The following FBXO42 variants were observed in gnomAD, a reference collection of about 807,000 sequenced individuals.
FBXO42 encodes the protein F-box only protein 42.
In FBXO42, 12 loss-of-function variants were observed where a neutral mutation model predicts 71.7. The observed-to-expected ratio is 0.17, with a 90% CI of 0.11 to 0.27. The LOEUF is 0.27. Among genes scored for constraint, FBXO42 ranks in the 10% least tolerant of loss-of-function variants. FBXO42 has a pLI of 1.00. For synonymous variants in FBXO42, 325 were observed against 327.5 expected (o/e 0.99, Z 0.08); for missense variants, 707 against 911.9 (o/e 0.78, Z 2.89).
At chr1:16,290,223 T>A (rs1455094476) in intron 4 of FBXO42, among the ~76,000 whole-genome samples, 4 of 152,214 alleles carry the variant, frequency 2.6e-5, no homozygotes, top group African/African-American at 9.6e-5. Context: ...AGACAAGATT[T>A]CACTGGGAAA....
chr1:16,343,901 C>G (rs530357034), intron 1 of FBXO42, among the ~76,000 whole-genome samples: 6 of 151,112 alleles, frequency 4.0e-5, no homozygotes, highest in African/African-American at 1.5e-4. Context: ...ATCGCTTGAG[C>G]CAGGAGATTG....
chr1:16,327,755 T>A (rs1248398784), intron 1 of FBXO42, among the ~76,000 whole-genome samples: 7 of 152,198 alleles, frequency 4.6e-5, no homozygotes, highest in Non-Finnish European at 7.3e-5. Context: ...CAGGCTGGAG[T>A]GCAATGGTGC....
intron 6 of FBXO42, among the ~76,000 whole-genome samples, chr1:16,255,505 T>C (rs1216985864): frequency 1.3e-5 from 2 of 152,166 alleles, no homozygotes; most frequent in African/African-American, 4.8e-5. Context: ...CGGCTAATTT[T>C]TGTATTTTTA....
At chr1:16,292,700 A>C (rs2082092167) in intron 4 of FBXO42, 1 of 152,222 alleles carries the variant, frequency 6.6e-6, no homozygotes, top group Non-Finnish European at 1.5e-5. Flanking sequence ...AGGTCCCCAA[A>C]CCAGAGCTCC....
intron 3 of FBXO42, among the ~76,000 whole-genome samples, chr1:16,297,464 C>G (rs2082142643): frequency 2.0e-5 from 3 of 152,098 alleles, no homozygotes; most frequent in Admixed American, 1.3e-4. Flanking sequence ...TTTAAAATTA[C>G]CAAAGAAATT....
intron 4 of FBXO42, among the ~76,000 whole-genome samples, chr1:16,272,323 G>A (rs945769193): frequency 2.7e-5 from 4 of 150,792 alleles, no homozygotes; most frequent in African/African-American, 7.3e-5. Flanking sequence ...GCAATGGCAC[G>A]ATCTTGGCTC....
chr1:16,276,150 G>A (rs1463607504), intron 4 of FBXO42, among the ~76,000 whole-genome samples: 15 of 152,030 alleles, frequency 9.9e-5, no homozygotes, highest in Admixed American at 9.8e-4. Flanking sequence ...GGGAGGCCGA[G>A]GTGGGTGGAT....
chr1:16,305,249 G>A (rs1294517195), intron 3 of FBXO42, among the ~76,000 whole-genome samples: 6 of 151,980 alleles, frequency 3.9e-5, no homozygotes, highest in African/African-American at 7.2e-5. Flanking sequence ...TTAGCCAGGC[G>A]TGGTGGCATG....
At chr1:16,293,370 C>T (rs1569871616) in intron 4 of FBXO42, 1 of 152,318 alleles carries the variant, frequency 6.6e-6, no homozygotes. Flanking sequence ...ATCCGCCCGC[C>T]TTGGCCTCCC....
chr1:16,250,724 A>G lies in FBXO42; in HGVS notation c.2100T>C (p.Asn700=), dbSNP rs199507808. ...IFGGLMDKKQ[N]VKYYPKTNAL... ...CGTTTGTTTTTGGATAGTACTTCAC[A>G]TTCTGTTTCTTGTCCATGAGTCCTC... Residue 700 remains asparagine, a synonymous_variant, in exon 10 of 10, where the codon AAT becomes AAC. Transcript: ENST00000375592. The surrounding 1 kb of genome is among the most constrained non-coding windows in gnomAD (Gnocchi z 4.7). 1.4e-4 allele frequency: 218 copies of G among 1,614,026 alleles called. No homozygotes were observed. Among genetic ancestry groups the G allele is most frequent in the Non-Finnish European group, 1.8e-4 (212 of 1,180,032 alleles).
intron 4 of FBXO42, among the ~76,000 whole-genome samples, chr1:16,271,292 TGTGTGTG>T (rs1212712344): frequency 4.7e-5 from 7 of 150,032 alleles, no homozygotes; most frequent in Non-Finnish European, 8.9e-5. Context: ...TGTGTGTGTG[TGTGTGTG>T]TGTTGGCATC....
intron 1 of FBXO42, among the ~76,000 whole-genome samples, chr1:16,326,044 GTGTGTC>G (rs1157513385): frequency 1.7e-3 from 252 of 150,188 alleles, no homozygotes; most frequent in South Asian, 3.4e-3. Flanking sequence ...GTGTGTGTGT[GTGTGTC>G]TGTGTGTGTC....
chr1:16,250,597 C>A lies in FBXO42; in HGVS notation c.*73G>T. On this transcript the variant is annotated 3_prime_UTR_variant, in exon 10 of 10. Transcript: ENST00000375592. This position sits in a 1 kb window ranked among gnomAD's most constrained non-coding sequence, Gnocchi z 4.7. ...TGGGAGTAATTTTGTTTTCCCAATTCTCAGTCCAAATGCTTACACACTGGA... is the reference window on the plus strand; with the variant it reads ...TGGGAGTAATTTTGTTTTCCCAATTATCAGTCCAAATGCTTACACACTGGA... 6.7e-7 allele frequency: 1 copy of A among 1,502,922 alleles called. No individual in the cohort carries two copies. Among genetic ancestry groups the A allele is most frequent in the Non-Finnish European group, 8.9e-7 (1 of 1,123,904 alleles). 93.1% of individuals were successfully genotyped at this position (1,502,922 alleles called of 1,614,324 possible).
At chr1:16,268,790 C>A (rs1042182447) in intron 4 of FBXO42, among the ~76,000 whole-genome samples, 1 of 151,958 alleles carries the variant, frequency 6.6e-6, no homozygotes, top group African/African-American at 2.4e-5. Flanking sequence ...ATGGAGAAAC[C>A]CCGTCTCTAC....
chr1:16,250,353 C>G lies in FBXO42; in HGVS notation c.*317G>C, dbSNP rs941095067. The G allele has an allele frequency of 6.5e-6, 1 of 152,866 alleles. No homozygotes were observed. Among genetic ancestry groups the G allele is most frequent in the Non-Finnish European group, 1.5e-5 (1 of 68,270 alleles). 9.5% of individuals were successfully genotyped at this position (152,866 alleles called of 1,614,324 possible). ...CTGATGTTAGTCTATTCTCTAACTT[C>G]TTGGTCTAGTTACCAGCAAGGTAGA... On this transcript the variant is annotated 3_prime_UTR_variant, in exon 10 of 10. Transcript: ENST00000375592. This position sits in a 1 kb window ranked among gnomAD's most constrained non-coding sequence, Gnocchi z 4.7.
At chr1:16,270,751 T>TACAC (rs58610558) in intron 4 of FBXO42, among the ~76,000 whole-genome samples, 7,473 of 110,806 alleles carry the variant, frequency 0.067, 263 homozygotes, top group East Asian at 0.096. Flanking sequence ...TACCATGAGA[T>TACAC]ACACACACAC....
At chr1:16,334,940 A>G (rs1335433861) in intron 1 of FBXO42, among the ~76,000 whole-genome samples, 1 of 151,856 alleles carries the variant, frequency 6.6e-6, no homozygotes, top group Non-Finnish European at 1.5e-5. Flanking sequence ...AACTATTTTA[A>G]TAATGGCCAC....
At chr1:16,307,585 C>A (rs2082265103) in intron 2 of FBXO42, among the ~76,000 whole-genome samples, 1 of 151,484 alleles carries the variant, frequency 6.6e-6, no homozygotes, top group African/African-American at 2.4e-5. Context: ...CATAACCTGT[C>A]TTGGTCCTAG....
At position 16,252,367 on chromosome 1, in the gene FBXO42, C is replaced by T. The variant is rs779475583; in HGVS notation, c.959G>A (p.Gly320Asp). 6.2e-7 allele frequency: 1 copy of T among 1,614,114 alleles called. No homozygotes were observed. Among genetic ancestry groups the T allele is most frequent in the Non-Finnish European group, 8.5e-7 (1 of 1,180,014 alleles). Reference protein sequence around the residue: ...KDAWLLHMHSGPWAWQPLKVE... With the variant: ...KDAWLLHMHSDPWAWQPLKVE... ...CTTGAGTGGCTGCCAGGCCCAAGGA[C>T]CAGAATGCATGTGCAACAACCAAGC... Residue 320 changes from glycine (G) to aspartate (D), a missense_variant, in exon 9 of 10, where the codon GGT (glycine) becomes GAT (aspartate). By Grantham distance (94) the Gly-to-Asp change is moderately conservative. This residue lies in a region of FBXO42 where 482 missense variants were observed against 587.1 expected (regional missense o/e 0.82). Coordinates refer to ENST00000375592, the MANE Select transcript of FBXO42 (RefSeq NM_018994.3). This position sits in a 1 kb window ranked among gnomAD's most constrained non-coding sequence, Gnocchi z 4.4.
Sources: allele counts gnomAD v4.1 joint callset (sites outside exome capture counted in the v4.1 genomes callset), GRCh38; gene constraint gnomAD v4.1.1; regional missense constraint gnomAD v4.1.1; non-coding constraint Gnocchi (gnomAD v3.1); transcripts MANE v1.5; gene names NCBI Gene and HGNC (gene_info 2026-07-23, HGNC 2026-07-21).